Variants in HECA observed in about 807,000 individuals in gnomAD.
HECA encodes the protein headcase protein homolog.
In HECA, 13 loss-of-function variants were observed where a neutral mutation model predicts 37.6. The observed-to-expected ratio is 0.35, with a 90% CI of 0.23 to 0.55. The LOEUF (loss-of-function observed/expected upper bound fraction) is 0.55. Ranked by LOEUF, HECA falls within the 20% of genes least tolerant of loss-of-function variation. The pLI, the probability that HECA is intolerant of heterozygous loss-of-function variation, is 0.90. For missense variants in HECA, 527 were observed against 701.9 expected (o/e 0.75, Z 2.82); for synonymous variants, 307 against 291.5 (o/e 1.05, Z -0.54).
chr6:139,142,622 T>C (rs946058373), intron 1 of HECA, among the ~76,000 whole-genome samples: 1 of 152,192 alleles, frequency 6.6e-6, no homozygotes, highest in African/African-American at 2.4e-5. Flanking sequence ...AGGCTGGATG[T>C]ATTTCTGTTT....
intron 1 of HECA, among the ~76,000 whole-genome samples, chr6:139,153,666 G>A (rs1250131225): frequency 2.0e-5 from 3 of 151,920 alleles, no homozygotes; most frequent in South Asian, 4.1e-4. Flanking sequence ...TGATCCTCCC[G>A]CCTCAGCCTC....
In HECA at chr6:139,167,041, C is replaced by T; in HGVS notation, c.1029C>T (p.Phe343=). 1 of 1,614,166 alleles carries T rather than the reference C, an allele frequency of 6.2e-7. No homozygotes were observed. Among genetic ancestry groups the T allele is most frequent in the African/African-American group, 1.3e-5 (1 of 75,054 alleles). ...GACACTTCGACACCCCCGTGCAGTT[C>T]CTTCGGCGGCTGGACCTCTCCGAAC... ...RGGHFDTPVQ[F]LRRLDLSELL... The change falls in exon 2 of 4, where the codon TTC becomes TTT. Residue 343 remains phenylalanine, a synonymous_variant. Coordinates refer to ENST00000367658, the MANE Select transcript of HECA (RefSeq NM_016217.3).
intron 2 of HECA, chr6:139,170,704 G>A (rs1402441936): frequency 6.6e-6 from 1 of 152,196 alleles, no homozygotes; most frequent in Non-Finnish European, 1.5e-5. Flanking sequence ...AGAACAGATT[G>A]CAGAAGTACT....
chr6:139,138,121 C>T (rs1370287699), intron 1 of HECA, among the ~76,000 whole-genome samples: 2 of 151,948 alleles, frequency 1.3e-5, no homozygotes, highest in Non-Finnish European at 2.9e-5. Context: ...ATGCTTTTTT[C>T]TTTTCTTTTC....
chr6:139,142,902 C>T (rs1047005966), intron 1 of HECA, among the ~76,000 whole-genome samples: 7 of 152,042 alleles, frequency 4.6e-5, no homozygotes, highest in Non-Finnish European at 8.8e-5. Context: ...GAGCTGAGAT[C>T]GCGCCATTGC....
At chr6:139,158,927 G>A (rs1246618831) in intron 1 of HECA, among the ~76,000 whole-genome samples, 1 of 151,972 alleles carries the variant, frequency 6.6e-6, no homozygotes, top group Non-Finnish European at 1.5e-5. Flanking sequence ...TACAGAATTA[G>A]CCAGGCATGG....
chr6:139,141,919 ATTTTTTTTT>A (rs11345845), intron 1 of HECA, among the ~76,000 whole-genome samples: 525 of 48,802 alleles, frequency 0.011, 3 homozygotes, highest in Middle Eastern at 0.043. Flanking sequence ...TGCCCAGCTA[ATTTTTTTTT>A]TTTTTTTTTT....
chr6:139,152,330 A>T (rs1774661206), intron 1 of HECA, among the ~76,000 whole-genome samples: 1 of 152,124 alleles, frequency 6.6e-6, no homozygotes, highest in Non-Finnish European at 1.5e-5. Context: ...TTAATTTCAA[A>T]GTAAGAAAAG....
intron 1 of HECA, among the ~76,000 whole-genome samples, chr6:139,152,743 T>C (rs1338142540): frequency 6.6e-6 from 1 of 152,196 alleles, no homozygotes. Context: ...AGTGTCTTTA[T>C]TTTTAGTAGA....
chr6:139,174,669 A>AC, intron 3 of HECA, 130 bp downstream of exon 3: 2 of 1,330,996 alleles, frequency 1.5e-6, no homozygotes, highest in Non-Finnish European at 2.0e-6. Context: ...TACTACTTGT[A>AC]ATGTAGTCAT....
chr6:139,160,493 A>G lies in HECA; in HGVS notation c.272-5791A>G, dbSNP rs140601648. Among the ~76,000 whole-genome samples, 74 of 152,344 alleles carry G rather than the reference A, an allele frequency of 4.9e-4. 1 individual carries two copies. The highest frequency in any genetic ancestry group is 1.6e-3 in the African/African-American group (65 of 41,576). ...TTCACTCATTGCCGAGGCTCACTGC[A>G]GCCTCAATTTCCTCGACTCACTTGA... On this transcript the variant is annotated intron_variant, in intron 1 of 3. Coordinates refer to ENST00000367658, the MANE Select transcript of HECA (RefSeq NM_016217.3).
At chr6:139,141,925 T>C (rs1774518858) in intron 1 of HECA, among the ~76,000 whole-genome samples, 2 of 136,328 alleles carry the variant, frequency 1.5e-5, no homozygotes, top group Admixed American at 7.3e-5. Context: ...GCTAATTTTT[T>C]TTTTTTTTTT....
chr6:139,137,291 G>A (rs1320568434), intron 1 of HECA, among the ~76,000 whole-genome samples: 1 of 151,940 alleles, frequency 6.6e-6, no homozygotes, highest in Non-Finnish European at 1.5e-5. Flanking sequence ...GTCTTCCAGA[G>A]CCTCAATTTC....
Position 139,167,180 on chromosome 6 carries a change from G to A in HECA, c.1168G>A (p.Ala390Thr). 6.2e-7 allele frequency: 1 copy of A among 1,614,204 alleles called. No individual in the cohort carries two copies. Among genetic ancestry groups the A allele is most frequent in the South Asian group, 1.1e-5 (1 of 91,086 alleles). Residue 390 changes from alanine to threonine, a missense_variant, in exon 2 of 4, where the codon GCC (alanine) becomes ACC (threonine). Transcript: ENST00000367658. Reference sequence around the variant, plus strand: ...GAAGTTCATTCTGGCCGCGCTCAGTGCCAGCCACAGAAACGTGGTAAACTG... The same window carrying A: ...GAAGTTCATTCTGGCCGCGCTCAGTACCAGCCACAGAAACGTGGTAAACTG... ...LRKFILAALS[A>T]SHRNVVNCAL...
chr6:139,136,688 G>A (rs529945423), intron 1 of HECA, among the ~76,000 whole-genome samples: 1 of 151,062 alleles, frequency 6.6e-6, no homozygotes, highest in South Asian at 2.1e-4. Context: ...AGGCTGGAGC[G>A]TAGTGGCGCA....
chr6:139,140,232 T>G (rs1342308095), intron 1 of HECA, among the ~76,000 whole-genome samples: 1 of 152,210 alleles, frequency 6.6e-6, no homozygotes, highest in Non-Finnish European at 1.5e-5. Flanking sequence ...ATGAAAAATG[T>G]TTGCTTGCTG....
chr6:139,141,331 A>G (rs1215912020), intron 1 of HECA, among the ~76,000 whole-genome samples: 1 of 152,196 alleles, frequency 6.6e-6, no homozygotes, highest in Non-Finnish European at 1.5e-5. Context: ...AGAAGATCAT[A>G]TATTTTATAA....
At chr6:139,150,045 A>G (rs1369915229) in intron 1 of HECA, among the ~76,000 whole-genome samples, 1 of 152,096 alleles carries the variant, frequency 6.6e-6, no homozygotes, top group East Asian at 1.9e-4. Context: ...TTATATTTTG[A>G]TTCACTTCAG....
chr6:139,153,907 G>T lies in HECA; in HGVS notation c.272-12377G>T, dbSNP rs529785529. On this transcript the variant is annotated intron_variant, in intron 1 of 3. Transcript: ENST00000367658. ...TAAGATGGACTTCTGAGATGGCAGA[G>T]TAAGGGCCTCCAGAAATTTGCTCCT... is the stretch of plus-strand genomic sequence containing the variant. Among the ~76,000 whole-genome samples the T allele has an allele frequency of 2.8e-4, 43 of 152,300 alleles. No homozygotes were observed. In the Middle Eastern group the frequency reaches 0.01, roughly 36 times the overall value.
Sources: allele counts gnomAD v4.1 joint callset (sites outside exome capture counted in the v4.1 genomes callset), GRCh38; gene constraint gnomAD v4.1.1; transcripts MANE v1.5; gene names NCBI Gene and HGNC (gene_info 2026-07-23, HGNC 2026-07-21).